The following COL6A6 variants were observed in gnomAD, a reference collection of about 807,000 sequenced individuals.
COL6A6 encodes collagen type VI alpha 6 chain, also known as collagen alpha-6(VI) chain.
A neutral mutation model predicts 208.6 loss-of-function variants in COL6A6; 183 were observed. The observed-to-expected ratio is 0.88, with a 90% CI of 0.78 to 0.99. The LOEUF (loss-of-function observed/expected upper bound fraction) is 0.99, where lower values mean the gene tolerates loss of function less well. COL6A6 is among the 50% of genes least tolerant of loss of function. COL6A6 has a pLI of 0.00. For missense variants in COL6A6, 2,816 were observed against 2,815.2 expected, an observed-to-expected ratio of 1.00 and a Z score of -0.01; for synonymous variants, 973 against 1,011.8, an observed-to-expected ratio of 0.96 and a Z score of 0.73.
intron 23 of COL6A6, among the ~76,000 whole-genome samples, chr3:130,616,413 A>G (rs74602223): frequency 0.038 from 5,794 of 152,236 alleles, 398 homozygotes; most frequent in African/African-American, 0.13. Context: ...CAAGTATATG[A>G]CTATGATACA....
chr3:130,550,839 A>G (rs1000256921), intron 1 of COL6A6, among the ~76,000 whole-genome samples: 8 of 152,170 alleles, frequency 5.3e-5, no homozygotes, highest in African/African-American at 1.9e-4. Context: ...CATTCCTTCA[A>G]TCCCCAGTTT....
intron 3 of COL6A6, 32 bp from the exon 4 acceptor site, chr3:130,564,962 A>G: frequency 1.3e-6 from 2 of 1,598,998 alleles, no homozygotes; most frequent in Non-Finnish European, 1.7e-6. Context: ...ACCACCAGCT[A>G]AAATTGTGCT....
intron 18 of COL6A6, among the ~76,000 whole-genome samples, chr3:130,596,819 A>G (rs954540914): frequency 6.6e-6 from 1 of 152,230 alleles, no homozygotes; most frequent in Non-Finnish European, 1.5e-5. Context: ...TAATGATAAA[A>G]TTTTTAAAAA....
rs2063749301 is a variant in COL6A6 at position 130,592,690 on chromosome 3, T to C, written c.4345-6T>C. On this transcript the variant is annotated splice_polypyrimidine_tract_variant and splice_region_variant and intron_variant, in intron 14 of 36. Coordinates refer to ENST00000358511, the MANE Select transcript of COL6A6 (RefSeq NM_001102608.3). ...ACACTAACTATAACTGTCCTTTTAT[T>C]TTCAGGGAAACAGAGGACTAAATGG... The C allele has an allele frequency of 6.2e-7, 1 of 1,613,056 alleles. No individual in the cohort carries two copies. The highest frequency in any genetic ancestry group is 8.5e-7 in the Non-Finnish European group (1 of 1,179,306).
chr3:130,573,669 C>A (rs573865964), intron 7 of COL6A6, among the ~76,000 whole-genome samples: 1 of 151,604 alleles, frequency 6.6e-6, no homozygotes, highest in South Asian at 2.1e-4. Context: ...CGGGTTCACG[C>A]CATTCTCCTG....
chr3:130,658,749 T>C lies in COL6A6; in HGVS notation c.5807T>C (p.Leu1936Pro), dbSNP rs751906090. 50 of 1,612,360 alleles carry C rather than the reference T, an allele frequency of 3.1e-5. No individual in the cohort carries two copies. Among genetic ancestry groups the C allele is most frequent in the Non-Finnish European group, 4.1e-5 (48 of 1,179,166 alleles). ...GADYIPALER[L>P]QRCTFCYDVC... ...GACTACATACCAGCATTAGAGAGACTCCAGCGGTGCACTTTCTGCTATGGT... is the reference window on the plus strand; with the variant it reads ...GACTACATACCAGCATTAGAGAGACCCCAGCGGTGCACTTTCTGCTATGGT... The change falls in exon 34 of 37, where the codon CTC becomes CCC. Residue 1936 changes from leucine (L) to proline (P), a missense_variant. Leu to Pro is a moderately conservative substitution (Grantham distance 98). Coordinates refer to ENST00000358511, the MANE Select transcript of COL6A6 (RefSeq NM_001102608.3).
chr3:130,598,181 A>G (rs1027390431), intron 18 of COL6A6, among the ~76,000 whole-genome samples, 184 bp from the exon 19 acceptor site: 3 of 152,164 alleles, frequency 2.0e-5, no homozygotes, highest in Admixed American at 2.0e-4. Flanking sequence ...TCTCTCTCTG[A>G]TAATGTCAAA....
At chr3:130,621,958 G>A (rs1231635212) in intron 24 of COL6A6, 75 bp downstream of exon 24, 1 of 1,276,392 alleles carries the variant, frequency 7.8e-7, no homozygotes. Flanking sequence ...GTATTAGCCA[G>A]GGCCCTTTCA....
At chr3:130,667,103 A>C (rs939270505) in intron 36 of COL6A6, among the ~76,000 whole-genome samples, 1 of 152,244 alleles carries the variant, frequency 6.6e-6, no homozygotes, top group African/African-American at 2.4e-5. Flanking sequence ...AGTTTACTAC[A>C]AAAAAGTCTT....
At position 130,662,104 on chromosome 3, in the gene COL6A6, A is replaced by G. The variant is rs373290006; in HGVS notation, c.6298A>G (p.Ile2100Val). Residue 2100 changes from isoleucine to valine, a missense_variant, in exon 35 of 37, where the codon ATC becomes GTC. Physicochemically the swap from Ile to Val is conservative, Grantham distance 29 (BLOSUM62 3). Transcript: ENST00000358511. Reference protein sequence around the residue: ...AGETSHLDGEILKKESLRAKC... With the variant: ...AGETSHLDGEVLKKESLRAKC... ...GGAAACCAGCCACTTAGATGGGGAA[A>G]TCTTAAAGAAGGAATCCTTGCGAGC... The G allele has an allele frequency of 3.0e-5, 49 of 1,613,904 alleles. No individual in the cohort carries two copies. Among genetic ancestry groups the G allele is most frequent in the Non-Finnish European group, 3.5e-5 (41 of 1,179,880 alleles).
chr3:130,561,371 C>T (rs2062877832), intron 2 of COL6A6, among the ~76,000 whole-genome samples: 1 of 152,156 alleles, frequency 6.6e-6, no homozygotes, highest in Admixed American at 6.5e-5. Flanking sequence ...ATGCTGCTGG[C>T]TGTATAATCA....
chr3:130,600,073 G>A (rs1216394081), intron 20 of COL6A6, among the ~76,000 whole-genome samples: 1 of 152,154 alleles, frequency 6.6e-6, no homozygotes, highest in Admixed American at 6.5e-5. Flanking sequence ...CTCCAACTAG[G>A]GGAAAAGTGG....
rs77081958 is a variant in COL6A6, at chr3:130,589,034, A to G, written c.4126-56A>G. On this transcript the variant is annotated intron_variant, in intron 11 of 36. Coordinates refer to ENST00000358511, the MANE Select transcript of COL6A6 (RefSeq NM_001102608.3). ...CTGGATCGCATGGTTGAACTTGTAT[A>G]TGAGATTTGGGAAGCAATACCACCA... 2.9e-3 allele frequency: 3,961 copies of G among 1,357,816 alleles called. 98 individuals are homozygous for G. In the African/African-American group the frequency reaches 0.05, roughly 17 times the overall value. The allele number at this position is 1,357,816 out of a possible 1,614,324, so 84.1% of individuals were successfully genotyped here. A position where few individuals can be genotyped will look rare whatever the true frequency, so the allele number is the denominator to read the frequency against.
Position 130,563,568 on chromosome 3 carries a change from G to T in COL6A6, c.565G>T (p.Val189Phe), listed in dbSNP as rs543636468. ...TSQFHFNLRT[V>F]RDLSMFSQNM... ...TCAGTTTCATTTCAACCTTCGGACAGTCAGAGACCTCAGCATGTTTTCCCA... is the reference window on the plus strand; with the variant it reads ...TCAGTTTCATTTCAACCTTCGGACATTCAGAGACCTCAGCATGTTTTCCCA... The change falls in exon 3 of 37, where the codon GTC (valine) becomes TTC (phenylalanine). Residue 189 changes from valine to phenylalanine, a missense_variant. Coordinates refer to ENST00000358511, the MANE Select transcript of COL6A6 (RefSeq NM_001102608.3). 11 of 1,614,012 alleles carry T rather than the reference G, an allele frequency of 6.8e-6. No homozygotes were observed. In the South Asian group the frequency reaches 1.2e-4, roughly 18 times the overall value.
rs71333673 is a variant in COL6A6 at position 130,610,664 on chromosome 3, G to T, written c.4768G>T (p.Ala1590Ser). The T allele has an allele frequency of 1.2e-3, 1,959 of 1,590,380 alleles. 2 individuals are homozygous for T. Among genetic ancestry groups the T allele is most frequent in the Non-Finnish European group, 1.6e-3 (1,849 of 1,167,686 alleles). Residue 1590 changes from alanine (A) to serine (S), a missense_variant, in exon 23 of 37, where the codon GCT becomes TCT. Physicochemically the swap from Ala to Ser is moderately conservative, Grantham distance 99 (BLOSUM62 1). Transcript: ENST00000358511. ...ATGTACTTAGGGCCCAAGAGGAGAGGCTGGTGTGAAAGGAGAAAAAGGAGG... is the reference window on the plus strand; with the variant it reads ...ATGTACTTAGGGCCCAAGAGGAGAGTCTGGTGTGAAAGGAGAAAAAGGAGG... ...LKGPQGPRGEAGVKGEKGGVG... is the reference protein window; with the variant it reads ...LKGPQGPRGESGVKGEKGGVG...
At chr3:130,557,099 C>T (rs748680766) in intron 1 of COL6A6, among the ~76,000 whole-genome samples, 3 of 152,128 alleles carry the variant, frequency 2.0e-5, no homozygotes, top group Admixed American at 6.5e-5. Context: ...TAAGGTCACA[C>T]GGCAGTTTAG....
intron 7 of COL6A6, among the ~76,000 whole-genome samples, chr3:130,571,873 G>A (rs1247399693): frequency 8.2e-6 from 1 of 121,500 alleles, no homozygotes; most frequent in African/African-American, 3.3e-5. Context: ...TGTGAAGACA[G>A]GGTTTCACTA....
At position 130,627,244 on chromosome 3, in the gene COL6A6, A is replaced by C. The variant is rs564516063; in HGVS notation, c.4942-75A>C. The C allele has an allele frequency of 3.1e-5, 44 of 1,409,868 alleles. No individual in the cohort carries two copies. The African/African-American group carries it at 5.8e-4, about 19-fold the overall frequency. The allele number at this position is 1,409,868 out of a possible 1,614,324, so 87.3% of individuals were successfully genotyped here. Reference sequence around the variant, plus strand: ...CCTTTATCAAACCAAAAAGCTGGCAATGTTGTCCTCTTGAAGAATAAGCCT... The same window carrying C: ...CCTTTATCAAACCAAAAAGCTGGCACTGTTGTCCTCTTGAAGAATAAGCCT... On this transcript the variant is annotated intron_variant, in intron 25 of 36. Transcript: ENST00000358511.
chr3:130,578,950 T>C (rs2063357005), intron 8 of COL6A6, among the ~76,000 whole-genome samples: 1 of 152,210 alleles, frequency 6.6e-6, no homozygotes, highest in Non-Finnish European at 1.5e-5. Flanking sequence ...GTCTACGCCT[T>C]GGGAAAGGGA....
Sources: gnomAD v4.1 joint callset for allele counts (sites outside exome capture counted in the v4.1 genomes callset) on GRCh38, gnomAD v4.1.1 for gene constraint, MANE v1.5 for transcripts, NCBI Gene and HGNC (gene_info 2026-07-23, HGNC 2026-07-21) for gene names.